The following WDPCP variants were observed in gnomAD, a reference collection of about 807,000 sequenced individuals.
WDPCP encodes WD repeat-containing and planar cell polarity effector protein fritz homolog.
WDPCP carries 71 observed loss-of-function variants against 93.1 expected under a neutral mutation model. The ratio of observed to expected loss-of-function variants is 0.76; its 90% confidence interval spans 0.63 to 0.93. WDPCP has a LOEUF of 0.93. Ranked by LOEUF, WDPCP falls within the 40% of genes least tolerant of loss-of-function variation. The probability of loss-of-function intolerance (pLI) is 0.00; values close to 1 mark genes in which losing one functional copy is unlikely to be tolerated. For missense variants in WDPCP, 844 were observed against 887.4 expected, an observed-to-expected ratio of 0.95 and a Z score of 0.62; for synonymous variants, 315 against 315.0, an observed-to-expected ratio of 1.00 and a Z score of 0.00.
intron 2 of WDPCP, among the ~76,000 whole-genome samples, chr2:63,663,275 G>C (rs1372423030): frequency 6.6e-6 from 1 of 152,126 alleles, no homozygotes; most frequent in Non-Finnish European, 1.5e-5. Context: ...CTATTATTTT[G>C]GGAAATTTTA....
chr2:63,132,456 C>T (rs1670351541), intron 17 of WDPCP, among the ~76,000 whole-genome samples: 1 of 150,986 alleles, frequency 6.6e-6, no homozygotes, highest in Non-Finnish European at 1.5e-5. Flanking sequence ...TCTTCTCCTT[C>T]TGGGATCTTC....
At chr2:63,283,660 A>G (rs1683745265) in intron 13 of WDPCP, among the ~76,000 whole-genome samples, 1 of 152,198 alleles carries the variant, frequency 6.6e-6, no homozygotes, top group African/African-American at 2.4e-5. Context: ...TCTCCAATAC[A>G]ATAACACGCT....
intron 1 of WDPCP, among the ~76,000 whole-genome samples, chr2:63,526,824 C>G (rs1477907787): frequency 6.6e-6 from 1 of 152,180 alleles, no homozygotes. Flanking sequence ...TGAGCTTATC[C>G]TAGTCCAGGA....
At chr2:63,436,125 C>T (rs1302248128) in intron 8 of WDPCP, among the ~76,000 whole-genome samples, 1 of 152,062 alleles carries the variant, frequency 6.6e-6, no homozygotes, top group African/African-American at 2.4e-5. Context: ...AGTTAATGCA[C>T]ACTGGTGCAT....
Position 63,121,380 on chromosome 2 carries a change from CTTTTTT to C in WDPCP, c.*620_*625del, listed in dbSNP as rs139878372. 4 of 87,330 alleles carry C rather than the reference CTTTTTT, an allele frequency of 4.6e-5. No homozygotes were observed. Among genetic ancestry groups the C allele is most frequent in the East Asian group, 3.2e-4 (1 of 3,126 alleles). 5.4% of individuals were successfully genotyped at this position (87,330 alleles called of 1,614,324 possible). Reference sequence around the variant, plus strand: ...AGGACTTTCTTTCTTTCTTTTCTTTCTTTTTTTTTTTTTTTTTTTTTGGAGACAGGG... The same window carrying C: ...AGGACTTTCTTTCTTTCTTTTCTTTCTTTTTTTTTTTTTTTGGAGACAGGG... On this transcript the variant is annotated 3_prime_UTR_variant, in exon 18 of 18. Transcript: ENST00000272321.
At chr2:63,304,344 C>G (rs1685557176) in intron 13 of WDPCP, among the ~76,000 whole-genome samples, 1 of 152,212 alleles carries the variant, frequency 6.6e-6, no homozygotes, top group African/African-American at 2.4e-5. Context: ...GAGATCAACA[C>G]AGAAGGTGGG....
intron 1 of WDPCP, among the ~76,000 whole-genome samples, chr2:63,814,023 C>G (rs1332144830): frequency 6.6e-6 from 1 of 151,980 alleles, no homozygotes; most frequent in African/African-American, 2.4e-5. Flanking sequence ...TGTTTCTGAA[C>G]AAATGAGGAA....
intron 6 of WDPCP, chr2:63,442,504 T>C (rs1697567763): frequency 6.6e-6 from 1 of 152,178 alleles, no homozygotes. Context: ...CTTTGAATCC[T>C]ATATCAAATA....
chr2:63,598,376 G>A (rs2106614015), intron 3 of WDPCP, among the ~76,000 whole-genome samples: 1 of 152,168 alleles, frequency 6.6e-6, no homozygotes, highest in Non-Finnish European at 1.5e-5. Context: ...TGATCCACCT[G>A]TCTTGGCCTC....
intron 13 of WDPCP, among the ~76,000 whole-genome samples, chr2:63,286,907 C>G (rs1460037893): frequency 1.3e-5 from 2 of 152,052 alleles, no homozygotes; most frequent in African/African-American, 4.8e-5. Context: ...TTATAGTAGT[C>G]GGCTAAGGCT....
intron 12 of WDPCP, among the ~76,000 whole-genome samples, chr2:63,321,357 C>G (rs1029496210): frequency 6.7e-5 from 10 of 148,758 alleles, no homozygotes; most frequent in African/African-American, 1.7e-4. Context: ...TTGATATGTA[C>G]TTTGTGTGTA....
intron 3 of WDPCP, among the ~76,000 whole-genome samples, chr2:63,638,552 G>A (rs765627025): frequency 7.9e-5 from 12 of 152,164 alleles, no homozygotes; most frequent in Non-Finnish European, 1.6e-4. Context: ...CACTTTGGAA[G>A]GCAGAAGCAG....
At chr2:63,606,129 C>A in intron 3 of WDPCP, 1 of 1,145,772 alleles carries the variant, frequency 8.7e-7, no homozygotes, top group Non-Finnish European at 1.3e-6. Flanking sequence ...CGCCTATAAT[C>A]CCAACACTTT....
intron 2 of WDPCP, among the ~76,000 whole-genome samples, chr2:63,700,968 T>G (rs1267604699): frequency 6.6e-6 from 1 of 152,156 alleles, no homozygotes; most frequent in African/African-American, 2.4e-5. Context: ...GGCAAAGAAT[T>G]TTTGGTGTAA....
At chr2:63,252,964 T>C (rs568888304) in intron 14 of WDPCP, among the ~76,000 whole-genome samples, 23 of 152,282 alleles carry the variant, frequency 1.5e-4, no homozygotes, top group African/African-American at 5.5e-4. Context: ...AAAGCAATCC[T>C]AAGCATGAAG....
At chr2:63,466,092 A>G (rs1017582919) in intron 6 of WDPCP, among the ~76,000 whole-genome samples, 3 of 152,160 alleles carry the variant, frequency 2.0e-5, no homozygotes, top group African/African-American at 7.2e-5. Flanking sequence ...GAACACAAAA[A>G]TAGACCAATT....
intron 14 of WDPCP, among the ~76,000 whole-genome samples, chr2:63,189,116 C>G (rs989487621): frequency 4.6e-5 from 7 of 152,236 alleles, no homozygotes; most frequent in African/African-American, 1.7e-4. Flanking sequence ...TGCCCTTAAT[C>G]TCTTGCTCCC....
At chr2:63,404,870 TAAAAAAA>T (rs1447672476) in intron 9 of WDPCP, among the ~76,000 whole-genome samples, 1 of 152,056 alleles carries the variant, frequency 6.6e-6, no homozygotes. Context: ...GATCCTGTCT[TAAAAAAA>T]TAAAAAATAT....
At chr2:63,412,002 AG>A (rs535640900) in intron 9 of WDPCP, among the ~76,000 whole-genome samples, 53 of 152,302 alleles carry the variant, frequency 3.5e-4, no homozygotes, top group South Asian at 2.7e-3. Flanking sequence ...AGATAGAGAA[AG>A]GAACAACCTT....
Sources: allele counts gnomAD v4.1 joint callset (sites outside exome capture counted in the v4.1 genomes callset), GRCh38; gene constraint gnomAD v4.1.1; transcripts MANE v1.5; gene names NCBI Gene and HGNC (gene_info 2026-07-23, HGNC 2026-07-21).